LRRC37A2: variants seen among roughly 807,000 people sequenced by gnomAD.
LRRC37A2 encodes leucine-rich repeat-containing protein 37A2.
Under a neutral mutation model 68.8 loss-of-function variants are expected in LRRC37A2, and 9 were observed. That is an observed-to-expected ratio of 0.13 (90% CI 0.08 to 0.23). The LOEUF (loss-of-function observed/expected upper bound fraction) is 0.23. LRRC37A2 is among the 10% of genes least tolerant of loss of function. LRRC37A2 has a pLI of 1.00. For missense variants in LRRC37A2, 168 were observed against 950.4 expected, an observed-to-expected ratio of 0.18 and a Z score of 10.82; for synonymous variants, 63 against 367.6, an observed-to-expected ratio of 0.17 and a Z score of 9.48.
the LRRC37A2 span, among the ~76,000 whole-genome samples, chr17:46,953,822 C>T: frequency 3.9e-5 from 6 of 152,208 alleles, no homozygotes; most frequent in East Asian, 9.6e-4. Flanking sequence ...TGTTTCTTGG[C>T]TGCATAAATG....
Position 46,532,284 on chromosome 17 carries a change from CT to C in LRRC37A2, c.2907-7890del, listed in dbSNP as rs560445799. On this transcript the variant is annotated intron_variant, in intron 6 of 14. Transcript: ENST00000576629. ...TGGAGAATCATGCTATTATTATCTG[CT>C]TCATGTTTACAGAATACTCCGTTGA... 5.4e-3 allele frequency among the ~76,000 whole-genome samples: 811 copies of C among 149,872 alleles called. 63 individuals carry two copies. Among genetic ancestry groups the C allele is most frequent in the African/African-American group, 0.019 (753 of 39,636 alleles).
At chr17:46,770,083 C>A in the LRRC37A2 span, 1 of 1,513,982 alleles carries the variant, frequency 6.6e-7, no homozygotes, top group South Asian at 1.3e-5. Context: ...GCACTCAGGA[C>A]CCGGCCTGGG....
the LRRC37A2 span, among the ~76,000 whole-genome samples, chr17:46,857,306 T>A: frequency 2.6e-5 from 4 of 151,882 alleles, no homozygotes; most frequent in Non-Finnish European, 5.9e-5. Flanking sequence ...CCATCTCTAC[T>A]AAAATTACAA....
chr17:46,824,068 C>T, the LRRC37A2 span, among the ~76,000 whole-genome samples: 5 of 152,100 alleles, frequency 3.3e-5, no homozygotes, highest in African/African-American at 9.7e-5. Flanking sequence ...GAGCCTTCTC[C>T]AGAAGGATTT....
chr17:46,913,146 C>T, the LRRC37A2 span, among the ~76,000 whole-genome samples: 2 of 152,188 alleles, frequency 1.3e-5, no homozygotes, highest in African/African-American at 4.8e-5. Context: ...ATGGCTCCAC[C>T]GCTAAGGGCA....
chr17:46,710,761 A>T, the LRRC37A2 span, among the ~76,000 whole-genome samples: 3 of 152,202 alleles, frequency 2.0e-5, no homozygotes, highest in African/African-American at 7.2e-5. Flanking sequence ...TATTCCATTA[A>T]GTCACCCAAA....
the LRRC37A2 span, among the ~76,000 whole-genome samples, chr17:46,869,624 G>A: frequency 3.3e-5 from 5 of 152,220 alleles, no homozygotes; most frequent in Non-Finnish European, 7.3e-5. Context: ...ACATGTCAGA[G>A]GTCATAATCA....
chr17:46,873,153 C>T, the LRRC37A2 span, among the ~76,000 whole-genome samples: 6 of 151,566 alleles, frequency 4.0e-5, no homozygotes, highest in Admixed American at 1.3e-4. Context: ...CACATGAAGA[C>T]GTGAGGATGG....
At chr17:46,885,150 G>A in the LRRC37A2 span, 1 of 355,538 alleles carries the variant, frequency 2.8e-6, no homozygotes, top group South Asian at 2.0e-5. Flanking sequence ...CACCACGCCT[G>A]ACTAATTTTG....
chr17:46,778,666 C>T, the LRRC37A2 span, among the ~76,000 whole-genome samples: 6 of 152,302 alleles, frequency 3.9e-5, no homozygotes, highest in African/African-American at 1.2e-4. Context: ...TCATGCTCCT[C>T]GATTCTTTGT....
At chr17:46,826,159 A>T in the LRRC37A2 span, among the ~76,000 whole-genome samples, 1 of 152,260 alleles carries the variant, frequency 6.6e-6, no homozygotes, top group South Asian at 2.1e-4. Context: ...GGAGATGGTG[A>T]AGAAATTTCT....
chr17:46,818,585 G>A, the LRRC37A2 span: 1 of 1,602,550 alleles, frequency 6.2e-7, no homozygotes, highest in Non-Finnish European at 8.5e-7. Context: ...AGCCCGAGCA[G>A]GTGGGGCTCC....
the LRRC37A2 span, chr17:46,774,023 C>T: frequency 6.9e-7 from 1 of 1,441,810 alleles, no homozygotes. Context: ...AGGGCCTGTG[C>T]CCTGGCACCT....
At chr17:46,935,112 CATTTTAGATGGGCACAAT>C in the LRRC37A2 span, 11 of 1,613,774 alleles carry the variant, frequency 6.8e-6, no homozygotes, top group Non-Finnish European at 9.3e-6. Context: ...TGGATGACCT[CATTTTAGATGGGCACAAT>C]ATTTTAGATG....
At chr17:46,789,942 T>G in the LRRC37A2 span, among the ~76,000 whole-genome samples, 1 of 152,144 alleles carries the variant, frequency 6.6e-6, no homozygotes, top group Non-Finnish European at 1.5e-5. Flanking sequence ...CAGGAGGGCT[T>G]CTTTGCGCCT....
the LRRC37A2 span, among the ~76,000 whole-genome samples, chr17:46,873,193 G>A: frequency 8.6e-5 from 13 of 152,000 alleles, no homozygotes; most frequent in South Asian, 2.1e-4. Flanking sequence ...CCGATGACAC[G>A]AGCCAGGCGA....
chr17:46,833,526 G>A, the LRRC37A2 span: 10 of 438,364 alleles, frequency 2.3e-5, no homozygotes, highest in African/African-American at 4.0e-5. Context: ...TGAGCTTTCC[G>A]AGACACTGCT....
the LRRC37A2 span, among the ~76,000 whole-genome samples, chr17:46,887,369 C>T: frequency 6.6e-6 from 1 of 152,032 alleles, no homozygotes; most frequent in East Asian, 1.9e-4. Context: ...TCCCAGTGAG[C>T]ACTGTCTTGG....
At chr17:46,532,049 A>G (rs1456541489) in intron 6 of LRRC37A2, among the ~76,000 whole-genome samples, 1 of 150,174 alleles carries the variant, frequency 6.7e-6, no homozygotes, top group Admixed American at 6.6e-5. Flanking sequence ...ACGCCATTAC[A>G]CTCAAGCCTG....
Sources: gnomAD v4.1 joint callset for allele counts (sites outside exome capture counted in the v4.1 genomes callset) on GRCh38, gnomAD v4.1.1 for gene constraint, MANE v1.5 for transcripts, NCBI Gene and HGNC (gene_info 2026-07-23, HGNC 2026-07-21) for gene names.